The following MAML1 variants were observed in gnomAD, a reference collection of about 807,000 sequenced individuals.
The protein encoded by MAML1 is mastermind-like protein 1.
Under a neutral mutation model 77.1 loss-of-function variants are expected in MAML1, and 14 were observed. The observed-to-expected ratio is 0.18, with a 90% confidence interval of 0.12 to 0.28. The LOEUF (loss-of-function observed/expected upper bound fraction) is 0.28. Ranked by LOEUF, MAML1 falls within the 10% of genes least tolerant of loss-of-function variation. The probability of loss-of-function intolerance (pLI) is 1.00; values close to 1 mark genes in which losing one functional copy is unlikely to be tolerated. For missense variants in MAML1, 1,217 were observed against 1,327.8 expected (o/e 0.92, Z 1.30); for synonymous variants, 516 against 551.9 (o/e 0.93, Z 0.91).
At chr5:179,770,805 T>C in intron 3 of MAML1, 1 of 220,758 alleles carries the variant, frequency 4.5e-6, no homozygotes, top group Non-Finnish European at 9.3e-6. Flanking sequence ...ACCAGCGGTG[T>C]ATGAGGGTGC....
intron 1 of MAML1, among the ~76,000 whole-genome samples, chr5:179,755,768 G>GTTTT (rs1266646726): frequency 7.2e-6 from 1 of 139,620 alleles, no homozygotes. Flanking sequence ...GCCCAAGACA[G>GTTTT]TTTTTTTTTT....
chr5:179,734,728 C>T (rs1044805557), intron 1 of MAML1, among the ~76,000 whole-genome samples: 2 of 152,122 alleles, frequency 1.3e-5, no homozygotes, highest in African/African-American at 4.8e-5. Flanking sequence ...ACCTTCCTGG[C>T]TCAAGACTCC....
In MAML1 at chr5:179,766,347, T is replaced by A. The variant is rs746655794; in HGVS notation, c.1337T>A (p.Met446Lys). ...SHSSLDVPYP[M>K]EKPASPSSYK... ...AGTTCCTTAGATGTCCCTTACCCCA[T>A]GGAGAAGCCTGCCAGCCCTTCCAGC... The change falls in exon 2 of 5, where the codon ATG becomes AAG. Residue 446 changes from methionine to lysine, a missense_variant. Transcript: ENST00000292599. The surrounding 1 kb of genome is among the most constrained non-coding windows in gnomAD (Gnocchi z 4.0). The A allele has an allele frequency of 6.2e-7, 1 of 1,605,256 alleles. No individual in the cohort carries two copies. Among genetic ancestry groups the A allele is most frequent in the East Asian group, 2.2e-5 (1 of 44,758 alleles).
intron 1 of MAML1, among the ~76,000 whole-genome samples, chr5:179,745,859 CAA>C (rs36036714): frequency 2.4e-3 from 153 of 63,452 alleles, no homozygotes; most frequent in East Asian, 0.013. Context: ...AACTCCGTCT[CAA>C]AAAAAAAAAA....
Position 179,773,993 on chromosome 5 carries a change from C to A in MAML1, c.2167C>A (p.Pro723Thr), listed in dbSNP as rs758025335. The part of the protein sequence containing the change: ...PQAGNLMPMG[P>T]GHASVSSLPT... ...GGCTGGGAATCTGATGCCAATGGGCCCTGGACATGCTTCAGTTTCCTCTCT... is the reference window on the plus strand; with the variant it reads ...GGCTGGGAATCTGATGCCAATGGGCACTGGACATGCTTCAGTTTCCTCTCT... Residue 723 changes from proline to threonine, a missense_variant, in exon 5 of 5, where the codon CCT (proline) becomes ACT (threonine). Pro to Thr is a conservative substitution (Grantham distance 38). Transcript: ENST00000292599. 6.2e-7 allele frequency: 1 copy of A among 1,614,238 alleles called. No homozygotes were observed. The highest frequency in any genetic ancestry group is 8.5e-7 in the Non-Finnish European group (1 of 1,180,054).
rs1756072189 is a variant in MAML1, at chr5:179,774,140, C to G, written c.2314C>G (p.Pro772Ala). ...AACCCAGATAGTTGCCCAGCCCCCG[C>G]CACAGGCCACCAATGGACATGCCCA... is the stretch of plus-strand genomic sequence containing the variant. ...GITQIVAQPP[P>A]QATNGHAHIP... is the part of the protein sequence containing the mutation. Residue 772 changes from proline to alanine, a missense_variant, in exon 5 of 5, where the codon CCA becomes GCA. Coordinates refer to ENST00000292599, the MANE Select transcript of MAML1 (RefSeq NM_014757.5). 6.2e-7 allele frequency: 1 copy of G among 1,613,618 alleles called. No homozygotes were observed. The highest frequency in any genetic ancestry group is 8.5e-7 in the Non-Finnish European group (1 of 1,180,022).
chr5:179,776,276 G>T lies in MAML1; in HGVS notation c.*1399G>T. 1.0e-6 allele frequency: 1 copy of T among 985,854 alleles called. No homozygotes were observed. Among genetic ancestry groups the T allele is most frequent in the Non-Finnish European group, 1.2e-6 (1 of 829,952 alleles). The allele number at this position is 985,854 out of a possible 1,614,324, so 61.1% of individuals were successfully genotyped here. On this transcript the variant is annotated 3_prime_UTR_variant, in exon 5 of 5. Transcript: ENST00000292599. ...ACTGCAGCCCCACTTCTGTTTCCCTGGAGTCTCCCAATGGATCATTCAGGA... is the reference window on the plus strand; with the variant it reads ...ACTGCAGCCCCACTTCTGTTTCCCTTGAGTCTCCCAATGGATCATTCAGGA...
chr5:179,755,039 T>C (rs1779583731), intron 1 of MAML1, among the ~76,000 whole-genome samples: 1 of 152,122 alleles, frequency 6.6e-6, no homozygotes, highest in South Asian at 2.1e-4. Flanking sequence ...AAGAGAGGCA[T>C]ATTTAAGGGA....
intron 1 of MAML1, among the ~76,000 whole-genome samples, chr5:179,758,335 A>C (rs1289060604): frequency 6.6e-6 from 1 of 151,856 alleles, no homozygotes; most frequent in African/African-American, 2.4e-5. Flanking sequence ...AAAAGTGGGA[A>C]TTTTACTAGC....
Position 179,776,772 on chromosome 5 carries a change from A to G in MAML1, c.*1895A>G, listed in dbSNP as rs1209135204. ...GCCTTAGTCCTGGGGCCGGCGACACAGTGGGGGCTCCTCACTTGCTGCAGT... is the reference window on the plus strand; with the variant it reads ...GCCTTAGTCCTGGGGCCGGCGACACGGTGGGGGCTCCTCACTTGCTGCAGT... On this transcript the variant is annotated 3_prime_UTR_variant, in exon 5 of 5. Transcript: ENST00000292599. 4.1e-6 allele frequency: 4 copies of G among 985,772 alleles called. No individual in the cohort carries two copies. Among genetic ancestry groups the G allele is most frequent in the East Asian group, 1.1e-4 (1 of 8,826 alleles). The allele number at this position is 985,772 out of a possible 1,614,324, so 61.1% of individuals were successfully genotyped here. A position where few individuals can be genotyped will look rare whatever the true frequency, so the allele number is the denominator to read the frequency against.
intron 1 of MAML1, among the ~76,000 whole-genome samples, chr5:179,748,409 A>G (rs945944812): frequency 9.2e-5 from 14 of 152,144 alleles, no homozygotes; most frequent in African/African-American, 3.4e-4. Flanking sequence ...AAAAGTTAAG[A>G]TGGTAAATTT....
At chr5:179,760,198 C>T (rs1389762194) in intron 1 of MAML1, among the ~76,000 whole-genome samples, 3 of 152,118 alleles carry the variant, frequency 2.0e-5, no homozygotes, top group African/African-American at 7.2e-5. Flanking sequence ...AGACACTTAT[C>T]AAGTGCTGGG....
At position 179,774,644 on chromosome 5, in the gene MAML1, G is replaced by A. The variant is rs747770994; in HGVS notation, c.2818G>A (p.Ala940Thr). ...GLSPAGPELG[A>T]FSQSPASQMG... ...GAGCCCAGCAGGGCCTGAGCTGGGG[G>A]CCTTCAGCCAGAGCCCTGCCTCACA... The change falls in exon 5 of 5, where the codon GCC (alanine) becomes ACC (threonine). Residue 940 changes from alanine to threonine, a missense_variant. Physicochemically the swap from Ala to Thr is moderately conservative, Grantham distance 58. Around this residue, in one of 3 missense-constraint regions of MAML1, gnomAD observed 884 missense variants for 949.3 expected, o/e 0.93. Coordinates refer to ENST00000292599, the MANE Select transcript of MAML1 (RefSeq NM_014757.5). 6 of 1,610,926 alleles carry A rather than the reference G, an allele frequency of 3.7e-6. No homozygotes were observed. The East Asian group carries it at 1.1e-4, about 30-fold the overall frequency.
At chr5:179,739,356 A>G (rs916423086) in intron 1 of MAML1, among the ~76,000 whole-genome samples, 4 of 143,456 alleles carry the variant, frequency 2.8e-5, no homozygotes, top group African/African-American at 4.9e-5. Context: ...CATCTCTCAA[A>G]TAGAATAGAA....
At position 179,766,882 on chromosome 5, in the gene MAML1, G is replaced by T. The variant is rs1779829927; in HGVS notation, c.1731+141G>T. The T allele has an allele frequency of 1.6e-6, 1 of 620,088 alleles. No individual in the cohort carries two copies. The highest frequency in any genetic ancestry group is 2.6e-6 in the Non-Finnish European group (1 of 391,708). The allele number at this position is 620,088 out of a possible 1,614,324, so 38.4% of individuals were successfully genotyped here. ...GCTGCTGTCATCCTTGCTCCTCTTG[G>T]GAGTGGAAATTTATAAAATAAACCA... On this transcript the variant is annotated intron_variant, in intron 2 of 4. Transcript: ENST00000292599. The surrounding 1 kb of genome is among the most constrained non-coding windows in gnomAD (Gnocchi z 4.0).
chr5:179,737,858 G>A (rs920907888), intron 1 of MAML1, among the ~76,000 whole-genome samples: 4 of 152,096 alleles, frequency 2.6e-5, no homozygotes, highest in East Asian at 1.9e-4. Flanking sequence ...ACCCAGTGGC[G>A]CGATCGTGGG....
chr5:179,775,194 C>G lies in MAML1; in HGVS notation c.*317C>G, dbSNP rs1756108343. 2 of 1,075,798 alleles carry G rather than the reference C, an allele frequency of 1.9e-6. No homozygotes were observed. Among genetic ancestry groups the G allele is most frequent in the Non-Finnish European group, 2.3e-6 (2 of 888,170 alleles). The allele number at this position is 1,075,798 out of a possible 1,614,324, so 66.6% of individuals were successfully genotyped here. ...ACAGTAACACCAGTGAAACCCCACA[C>G]TGTCGGGCTTATAAAAATCTGTGCC... On this transcript the variant is annotated 3_prime_UTR_variant, in exon 5 of 5. Coordinates refer to ENST00000292599, the MANE Select transcript of MAML1 (RefSeq NM_014757.5).
intron 4 of MAML1, among the ~76,000 whole-genome samples, chr5:179,772,843 G>T (rs977866784): frequency 6.6e-6 from 1 of 152,110 alleles, no homozygotes; most frequent in Middle Eastern, 3.2e-3. Flanking sequence ...CCCCAGCATG[G>T]TCTCAGCCAC....
chr5:179,740,048 C>T (rs966031937), intron 1 of MAML1, among the ~76,000 whole-genome samples: 2 of 152,162 alleles, frequency 1.3e-5, no homozygotes, highest in African/African-American at 2.4e-5. Flanking sequence ...AAATGACAGT[C>T]GTAGCTTAAG....
Sources: allele counts gnomAD v4.1 joint callset (sites outside exome capture counted in the v4.1 genomes callset), GRCh38; gene constraint gnomAD v4.1.1; regional missense constraint gnomAD v4.1.1; non-coding constraint Gnocchi (gnomAD v3.1); transcripts MANE v1.5; gene names NCBI Gene and HGNC (gene_info 2026-07-23, HGNC 2026-07-21).